The following SCHIP1 variants were observed in gnomAD, a reference collection of about 807,000 sequenced individuals.
The protein encoded by SCHIP1 is schwannomin interacting protein 1.
SCHIP1 carries 8 observed loss-of-function variants against 29.7 expected under a neutral mutation model. That is an observed-to-expected ratio of 0.27 (90% CI 0.16 to 0.49). The LOEUF is 0.49. SCHIP1 is among the 20% of genes least tolerant of loss of function. The pLI, the probability that SCHIP1 is intolerant of heterozygous loss-of-function variation, is 0.99. For synonymous variants in SCHIP1, 76 were observed against 94.9 expected, an observed-to-expected ratio of 0.80 and a Z score of 1.16; for missense variants, 193 against 294.6, an observed-to-expected ratio of 0.66 and a Z score of 2.52.
At chr3:159,867,371 T>A (rs921114865) in intron 2 of SCHIP1, among the ~76,000 whole-genome samples, 24 of 152,218 alleles carry the variant, frequency 1.6e-4, no homozygotes, top group Non-Finnish European at 2.9e-5. Flanking sequence ...TAGGCATTTT[T>A]AAAATATCTA....
At chr3:159,428,148 G>T in the SCHIP1 span, among the ~76,000 whole-genome samples, 1 of 151,652 alleles carries the variant, frequency 6.6e-6, no homozygotes, top group Admixed American at 6.6e-5. Context: ...AGGACTTCAT[G>T]TCTAAAACAC....
At chr3:159,502,563 T>C in the SCHIP1 span, among the ~76,000 whole-genome samples, 3 of 152,294 alleles carry the variant, frequency 2.0e-5, no homozygotes, top group East Asian at 5.8e-4. Flanking sequence ...TACATATGTA[T>C]ACATGTGCCA....
chr3:159,611,034 A>G, the SCHIP1 span, among the ~76,000 whole-genome samples: 1 of 152,166 alleles, frequency 6.6e-6, no homozygotes, highest in African/African-American at 2.4e-5. Flanking sequence ...TAAGAATATT[A>G]TCTCCAGATA....
At chr3:159,294,787 T>C in the SCHIP1 span, among the ~76,000 whole-genome samples, 1 of 152,048 alleles carries the variant, frequency 6.6e-6, no homozygotes, top group Non-Finnish European at 1.5e-5. Context: ...GATTTTAGAG[T>C]CTTAAACTAC....
At chr3:159,750,780 C>T in the SCHIP1 span, among the ~76,000 whole-genome samples, 1 of 151,942 alleles carries the variant, frequency 6.6e-6, no homozygotes, top group Non-Finnish European at 1.5e-5. Flanking sequence ...AAGGATGGCT[C>T]CCAAATTTGT....
the SCHIP1 span, among the ~76,000 whole-genome samples, chr3:159,734,181 C>T: frequency 3.7e-3 from 471 of 126,242 alleles, 3 homozygotes; most frequent in African/African-American, 0.014. Context: ...CTTGCTCTGT[C>T]GCCCAGACTG....
At chr3:159,720,466 C>A in the SCHIP1 span, among the ~76,000 whole-genome samples, 2 of 151,946 alleles carry the variant, frequency 1.3e-5, no homozygotes, top group African/African-American at 4.8e-5. Context: ...TTAGAAGGAG[C>A]TATAATTTAT....
At chr3:159,424,900 G>C in the SCHIP1 span, among the ~76,000 whole-genome samples, 10 of 151,894 alleles carry the variant, frequency 6.6e-5, no homozygotes, top group African/African-American at 2.4e-4. Flanking sequence ...CATTTTTAAA[G>C]AAAAGGATTT....
the SCHIP1 span, among the ~76,000 whole-genome samples, chr3:159,640,010 T>G: frequency 6.6e-6 from 1 of 152,218 alleles, no homozygotes; most frequent in Non-Finnish European, 1.5e-5. Context: ...TGTATCTTTT[T>G]TTCCCATTTA....
the SCHIP1 span, among the ~76,000 whole-genome samples, chr3:159,647,910 A>G: frequency 6.6e-6 from 1 of 152,168 alleles, no homozygotes; most frequent in Non-Finnish European, 1.5e-5. Context: ...GTTATTCCAG[A>G]GGGTCATGGA....
At chr3:159,384,745 C>T in the SCHIP1 span, among the ~76,000 whole-genome samples, 2 of 151,716 alleles carry the variant, frequency 1.3e-5, no homozygotes, top group African/African-American at 2.4e-5. Flanking sequence ...GTTCTGGACT[C>T]TTTTTGGTTG....
the SCHIP1 span, among the ~76,000 whole-genome samples, chr3:159,668,237 C>T: frequency 8.1e-4 from 123 of 151,956 alleles, no homozygotes; most frequent in Non-Finnish European, 1.5e-3. Context: ...ATTAGCCGGG[C>T]GTGGTGGCAG....
the SCHIP1 span, among the ~76,000 whole-genome samples, chr3:159,443,835 T>C: frequency 2.0e-5 from 3 of 152,208 alleles, no homozygotes; most frequent in Non-Finnish European, 4.4e-5. Context: ...ACAACACTGA[T>C]GCCTTTTTTT....
At chr3:159,848,136 A>G (rs529406207) in intron 1 of SCHIP1, among the ~76,000 whole-genome samples, 1 of 152,362 alleles carries the variant, frequency 6.6e-6, no homozygotes, top group South Asian at 2.1e-4. Flanking sequence ...TCACGTGAGC[A>G]ATGTGCCTTT....
the SCHIP1 span, among the ~76,000 whole-genome samples, chr3:159,713,272 GAAAGAAAGAA>G: frequency 6.9e-6 from 1 of 145,890 alleles, no homozygotes; most frequent in African/African-American, 2.6e-5. Flanking sequence ...AAGAAAGAAA[GAAAGAAAGAA>G]AGAAAAAAGA....
At chr3:159,300,485 C>T in the SCHIP1 span, among the ~76,000 whole-genome samples, 9 of 152,182 alleles carry the variant, frequency 5.9e-5, no homozygotes, top group Middle Eastern at 6.8e-3. Context: ...AGTCCCTTAG[C>T]GTGGTATTGG....
chr3:159,338,752 C>T, the SCHIP1 span, among the ~76,000 whole-genome samples: 1 of 152,190 alleles, frequency 6.6e-6, no homozygotes, highest in South Asian at 2.1e-4. Flanking sequence ...TTTATGTGAA[C>T]ATTCTGATAA....
chr3:159,651,871 CG>C, the SCHIP1 span, among the ~76,000 whole-genome samples: 1 of 152,080 alleles, frequency 6.6e-6, no homozygotes, highest in Non-Finnish European at 1.5e-5. Context: ...CTGAGGTAGG[CG>C]GATCACCAAG....
the SCHIP1 span, among the ~76,000 whole-genome samples, chr3:159,360,611 A>G: frequency 6.6e-6 from 1 of 152,262 alleles, no homozygotes; most frequent in Non-Finnish European, 1.5e-5. Context: ...AGACTAGGCT[A>G]TCAAAAGTAA....
Sources: gnomAD v4.1 joint callset for allele counts (sites outside exome capture counted in the v4.1 genomes callset) on GRCh38, gnomAD v4.1.1 for gene constraint, MANE v1.5 for transcripts, NCBI Gene and HGNC (gene_info 2026-07-23, HGNC 2026-07-21) for gene names.